The following CSMD1 variants were observed in gnomAD, a reference collection of about 807,000 sequenced individuals.
CSMD1 encodes CUB and sushi domain-containing protein 1.
Under a neutral mutation model 417.5 loss-of-function variants are expected in CSMD1, and 213 were observed. The observed-to-expected ratio is 0.51, with a 90% CI of 0.46 to 0.57. CSMD1 has a LOEUF of 0.57. Ranked by LOEUF, CSMD1 falls within the 20% of genes least tolerant of loss-of-function variation. The pLI is 0.00. For synonymous variants in CSMD1, 2,862 were observed against 1,736.8 expected (o/e 1.65, Z -16.11); for missense variants, 6,923 against 4,529.7 (o/e 1.53, Z -15.17).
intron 3 of CSMD1, among the ~76,000 whole-genome samples, chr8:4,381,343 T>G (rs1584987051): frequency 6.6e-6 from 1 of 152,222 alleles, no homozygotes; most frequent in East Asian, 1.9e-4. Context: ...ACACAATGGA[T>G]GAGGCATCTG....
intron 41 of CSMD1, among the ~76,000 whole-genome samples, chr8:3,142,087 G>A (rs1032569125): frequency 2.0e-5 from 3 of 152,134 alleles, no homozygotes; most frequent in East Asian, 1.9e-4. Flanking sequence ...GTGAGCCACC[G>A]CGCCCGGCCG....
chr8:4,197,553 G>A (rs748850990), intron 3 of CSMD1, among the ~76,000 whole-genome samples: 25 of 152,080 alleles, frequency 1.6e-4, no homozygotes, highest in Non-Finnish European at 2.8e-4. Flanking sequence ...TAAAACACTG[G>A]TTCTATTTCT....
At chr8:4,872,070 C>G (rs1255948816) in intron 1 of CSMD1, among the ~76,000 whole-genome samples, 3 of 152,022 alleles carry the variant, frequency 2.0e-5, no homozygotes, top group African/African-American at 7.3e-5. Context: ...TGCAAATTCC[C>G]TAGTATGTGT....
At chr8:4,735,926 A>T (rs773601790) in intron 1 of CSMD1, among the ~76,000 whole-genome samples, 24 of 152,314 alleles carry the variant, frequency 1.6e-4, no homozygotes, top group South Asian at 4.1e-4. Context: ...GGTAATAAGT[A>T]GCCACCGGTT....
intron 18 of CSMD1, among the ~76,000 whole-genome samples, chr8:3,371,371 T>G (rs1809935564): frequency 1.3e-5 from 2 of 152,086 alleles, no homozygotes; most frequent in South Asian, 4.1e-4. Context: ...TCCTGCTTGC[T>G]GAAGAATGAA....
chr8:4,489,674 T>C (rs1801599279), intron 2 of CSMD1, among the ~76,000 whole-genome samples: 1 of 152,214 alleles, frequency 6.6e-6, no homozygotes, highest in African/African-American at 2.4e-5. Flanking sequence ...TGTGAGCACC[T>C]ATGTTTGATC....
chr8:3,121,588 G>A (rs1419534650), intron 41 of CSMD1, among the ~76,000 whole-genome samples: 1 of 152,112 alleles, frequency 6.6e-6, no homozygotes, highest in Non-Finnish European at 1.5e-5. Flanking sequence ...TACTAACAGA[G>A]CTTTGGGGGC....
intron 5 of CSMD1, among the ~76,000 whole-genome samples, chr8:3,893,515 C>A: frequency 6.6e-6 from 1 of 151,656 alleles, no homozygotes; most frequent in East Asian, 1.9e-4. Context: ...TTTTGTTTTA[C>A]AAATTAAATT....
At chr8:4,704,408 T>C (rs966781410) in intron 1 of CSMD1, among the ~76,000 whole-genome samples, 4 of 152,246 alleles carry the variant, frequency 2.6e-5, no homozygotes, top group African/African-American at 9.6e-5. Flanking sequence ...ACTTATCTAT[T>C]GTTTATGTGG....
rs1025101268 is a variant in CSMD1, at chr8:4,077,481, C to T, written c.416-45382G>A. On this transcript the variant is annotated intron_variant, in intron 3 of 69. Coordinates refer to ENST00000635120, the MANE Select transcript of CSMD1 (RefSeq NM_033225.6). ...ATTACTCTTAAATGTCTAGTTGAGGCTTCACCTCAGTTTACTTGCATTGTT... is the reference window on the plus strand; with the variant it reads ...ATTACTCTTAAATGTCTAGTTGAGGTTTCACCTCAGTTTACTTGCATTGTT... Among the ~76,000 whole-genome samples, 4 of 151,604 alleles carry T rather than the reference C, an allele frequency of 2.6e-5. No homozygotes were observed. In the East Asian group the frequency reaches 5.8e-4, roughly 22 times the overall value.
At chr8:3,346,089 A>G (rs1260532083) in intron 22 of CSMD1, among the ~76,000 whole-genome samples, 2 of 152,240 alleles carry the variant, frequency 1.3e-5, no homozygotes, top group African/African-American at 4.8e-5. Context: ...TAATTTTACT[A>G]TAAACATTTT....
At chr8:4,002,281 G>T (rs534473811) in intron 4 of CSMD1, among the ~76,000 whole-genome samples, 1 of 152,128 alleles carries the variant, frequency 6.6e-6, no homozygotes, top group Non-Finnish European at 1.5e-5. Flanking sequence ...GAAAGCACCT[G>T]CTATAGTGCT....
intron 3 of CSMD1, among the ~76,000 whole-genome samples, chr8:4,311,941 C>G (rs767445577): frequency 5.3e-5 from 8 of 151,970 alleles, no homozygotes; most frequent in Non-Finnish European, 1.0e-4. Context: ...CAAACCTTCA[C>G]TTGTATCCCT....
chr8:3,715,768 C>G (rs1801795870), intron 6 of CSMD1, among the ~76,000 whole-genome samples: 2 of 152,150 alleles, frequency 1.3e-5, no homozygotes, highest in Admixed American at 1.3e-4. Context: ...GTCTCAAACT[C>G]CCGACCTCAT....
At chr8:3,125,390 T>G (rs1166659316) in intron 41 of CSMD1, among the ~76,000 whole-genome samples, 1 of 152,222 alleles carries the variant, frequency 6.6e-6, no homozygotes, top group Non-Finnish European at 1.5e-5. Flanking sequence ...TCTTGCTCTG[T>G]ACCCATCATA....
chr8:3,144,194 T>G (rs1818688309), intron 40 of CSMD1, among the ~76,000 whole-genome samples: 1 of 152,146 alleles, frequency 6.6e-6, no homozygotes, highest in Non-Finnish European at 1.5e-5. Flanking sequence ...ATGTTAGATG[T>G]TCTGTCTCAT....
At chr8:4,328,237 ATACAATTTTTT>A (rs1242498025) in intron 3 of CSMD1, among the ~76,000 whole-genome samples, 157 of 138,112 alleles carry the variant, frequency 1.1e-3, no homozygotes, top group African/African-American at 4.2e-3. Flanking sequence ...ATTGCACTCA[ATACAATTTTTT>A]TTTTTTTTTT....
chr8:4,070,396 CG>C (rs1799483536), intron 3 of CSMD1, among the ~76,000 whole-genome samples: 1 of 152,088 alleles, frequency 6.6e-6, no homozygotes, highest in African/African-American at 2.4e-5. Context: ...CTCGCTGTGT[CG>C]CCCAGGCTGG....
chr8:4,842,337 T>C (rs1427473274), intron 1 of CSMD1, among the ~76,000 whole-genome samples: 1 of 152,244 alleles, frequency 6.6e-6, no homozygotes, highest in African/African-American at 2.4e-5. Flanking sequence ...CAATGGACTT[T>C]TAATATCTGA....
Sources: allele counts gnomAD v4.1 joint callset (sites outside exome capture counted in the v4.1 genomes callset), GRCh38; gene constraint gnomAD v4.1.1; transcripts MANE v1.5; gene names NCBI Gene and HGNC (gene_info 2026-07-23, HGNC 2026-07-21).